Variants in FMNL2 observed in about 807,000 individuals in gnomAD.
The protein encoded by FMNL2 is formin-like protein 2.
Under a neutral mutation model 130.2 loss-of-function variants are expected in FMNL2, and 51 were observed. The ratio of observed to expected loss-of-function variants is 0.39; its 90% CI spans 0.31 to 0.49. The LOEUF (loss-of-function observed/expected upper bound fraction) is 0.49. Among genes scored for constraint, FMNL2 ranks in the 20% least tolerant of loss-of-function variants. The pLI is 0.85. For synonymous variants in FMNL2, 465 were observed against 467.1 expected, an observed-to-expected ratio of 1.00 and a Z score of 0.06; for missense variants, 977 against 1,316.2, an observed-to-expected ratio of 0.74 and a Z score of 3.99.
chr2:152,417,761 T>A (rs1686694210), intron 1 of FMNL2, among the ~76,000 whole-genome samples: 1 of 152,218 alleles, frequency 6.6e-6, no homozygotes, highest in East Asian at 1.9e-4. Flanking sequence ...GAACCCAGAC[T>A]GTTATTTTTG....
intron 1 of FMNL2, among the ~76,000 whole-genome samples, chr2:152,458,703 A>G (rs898983712): frequency 6.6e-6 from 1 of 152,246 alleles, no homozygotes; most frequent in Non-Finnish European, 1.5e-5. Context: ...GAAGTTTGGC[A>G]TGAAACGGCC....
At chr2:152,605,802 G>A (rs927208090) in intron 9 of FMNL2, among the ~76,000 whole-genome samples, 18 of 152,206 alleles carry the variant, frequency 1.2e-4, no homozygotes, top group African/African-American at 4.3e-4. Flanking sequence ...GCCCTCAGAG[G>A]CTGAAGGCTG....
chr2:152,582,494 CT>C (rs957935254), intron 9 of FMNL2, among the ~76,000 whole-genome samples: 9 of 151,722 alleles, frequency 5.9e-5, no homozygotes, highest in African/African-American at 1.5e-4. Flanking sequence ...CAAATATTAT[CT>C]TTTTTTTTCT....
At chr2:152,546,539 G>A (rs553455432) in intron 3 of FMNL2, among the ~76,000 whole-genome samples, 20 of 152,240 alleles carry the variant, frequency 1.3e-4, no homozygotes, top group African/African-American at 4.3e-4. Flanking sequence ...CAACATTGGA[G>A]GTCCTATTTC....
intron 21 of FMNL2, 66 bp from the exon 22 acceptor site, chr2:152,636,361 A>G (rs1485362414): frequency 6.6e-7 from 1 of 1,518,228 alleles, no homozygotes; most frequent in African/African-American, 1.4e-5. Flanking sequence ...TTGGCCCAGC[A>G]GCCAGATTCG....
At chr2:152,411,490 G>A (rs1364786235) in intron 1 of FMNL2, among the ~76,000 whole-genome samples, 1 of 152,198 alleles carries the variant, frequency 6.6e-6, no homozygotes, top group Non-Finnish European at 1.5e-5. Context: ...GGAGTGAGAA[G>A]TGGTGTATGA....
intron 1 of FMNL2, among the ~76,000 whole-genome samples, 186 bp from the exon 2 acceptor site, chr2:152,521,757 G>A (rs1223831355): frequency 2.6e-5 from 4 of 152,084 alleles, no homozygotes; most frequent in Non-Finnish European, 5.9e-5. Flanking sequence ...AGAATTTCCC[G>A]CCTCTCATCT....
At chr2:152,643,735 G>T (rs752431633) in intron 25 of FMNL2, 1 of 985,408 alleles carries the variant, frequency 1.0e-6, no homozygotes, top group African/African-American at 1.7e-5. Context: ...TCACATTGCT[G>T]TAACAGTCTG....
At chr2:152,524,995 C>T (rs1030029827) in intron 2 of FMNL2, among the ~76,000 whole-genome samples, 15 of 152,102 alleles carry the variant, frequency 9.9e-5, no homozygotes, top group South Asian at 2.1e-4. Context: ...GTGAAGTGCG[C>T]GTCCCTTCGC....
At chr2:152,516,248 T>A (rs777669553) in intron 1 of FMNL2, among the ~76,000 whole-genome samples, 2 of 152,112 alleles carry the variant, frequency 1.3e-5, no homozygotes, top group Non-Finnish European at 2.9e-5. Flanking sequence ...TTATAAACAC[T>A]ACTTAAAGTA....
chr2:152,630,890 G>A (rs1035048309), intron 20 of FMNL2, among the ~76,000 whole-genome samples: 2 of 152,124 alleles, frequency 1.3e-5, no homozygotes, highest in African/African-American at 4.8e-5. Context: ...AAGGAAGGTG[G>A]GATAGCAGAT....
intron 2 of FMNL2, among the ~76,000 whole-genome samples, chr2:152,534,476 A>G (rs1409509574): frequency 6.6e-6 from 1 of 152,146 alleles, no homozygotes; most frequent in Admixed American, 6.5e-5. Context: ...CGGAGCTTGT[A>G]ATTTAAAAAA....
At chr2:152,603,957 G>C (rs913669056) in intron 9 of FMNL2, among the ~76,000 whole-genome samples, 1 of 150,984 alleles carries the variant, frequency 6.6e-6, no homozygotes, top group Admixed American at 6.6e-5. Flanking sequence ...CCAGATGCTG[G>C]TCCAACAACC....
At chr2:152,443,473 GA>G (rs1255543830) in intron 1 of FMNL2, among the ~76,000 whole-genome samples, 6 of 152,160 alleles carry the variant, frequency 3.9e-5, no homozygotes, top group Non-Finnish European at 8.8e-5. Flanking sequence ...AGAGGAGAAG[GA>G]ATTGTTAGAG....
chr2:152,501,296 T>C (rs903440557), intron 1 of FMNL2, among the ~76,000 whole-genome samples: 3 of 152,252 alleles, frequency 2.0e-5, no homozygotes, highest in Admixed American at 6.5e-5. Flanking sequence ...ATTGCTTTTC[T>C]AAAGTGACTC....
intron 1 of FMNL2, among the ~76,000 whole-genome samples, chr2:152,446,766 A>G (rs1688359924): frequency 6.6e-6 from 1 of 152,302 alleles, no homozygotes; most frequent in African/African-American, 2.4e-5. Flanking sequence ...GTATGTGTGT[A>G]TGGTGTTTAA....
chr2:152,341,954 T>C (rs1001242864), intron 1 of FMNL2, among the ~76,000 whole-genome samples: 9 of 152,210 alleles, frequency 5.9e-5, no homozygotes, highest in African/African-American at 2.2e-4. Flanking sequence ...AGATAGGAAG[T>C]ACATTATTGG....
chr2:152,389,411 A>G (rs562245698), intron 1 of FMNL2, among the ~76,000 whole-genome samples: 15 of 152,244 alleles, frequency 9.9e-5, no homozygotes, highest in African/African-American at 3.6e-4. Context: ...TCATGATCTA[A>G]TCACCTCCCA....
chr2:152,375,877 C>CTCTCTCTCTCTCTCTATATATATA (rs796954245), intron 1 of FMNL2, among the ~76,000 whole-genome samples: 15 of 112,482 alleles, frequency 1.3e-4, no homozygotes, highest in East Asian at 1.1e-3. Flanking sequence ...CTCTCTCTCT[C>CTCTCTCTCTCTCTCTATATATATA]TATATATATA....
Sources: gnomAD v4.1 joint callset for allele counts (sites outside exome capture counted in the v4.1 genomes callset) on GRCh38, gnomAD v4.1.1 for gene constraint, MANE v1.5 for transcripts, NCBI Gene and HGNC (gene_info 2026-07-23, HGNC 2026-07-21) for gene names.